CTIF: variants seen among roughly 807,000 people sequenced by gnomAD.
CTIF encodes the protein CBP80/20-dependent translation initiation factor.
In CTIF, 21 loss-of-function variants were observed where a neutral mutation model predicts 66.0. The ratio of observed to expected loss-of-function variants is 0.32; its 90% CI spans 0.23 to 0.46. The LOEUF (loss-of-function observed/expected upper bound fraction) is 0.46. CTIF is among the 20% of genes least tolerant of loss of function. The pLI is 1.00. For missense variants in CTIF, 739 were observed against 812.7 expected, an observed-to-expected ratio of 0.91 and a Z score of 1.10; for synonymous variants, 345 against 326.4, an observed-to-expected ratio of 1.06 and a Z score of -0.62.
intron 10 of CTIF, among the ~76,000 whole-genome samples, chr18:48,827,812 G>T (rs1478432414): frequency 1.3e-5 from 2 of 152,028 alleles, no homozygotes; most frequent in South Asian, 2.1e-4. Flanking sequence ...CACCCGCTTT[G>T]TCCCCTCCAG....
At chr18:48,852,249 A>G (rs2069221380) in intron 10 of CTIF, among the ~76,000 whole-genome samples, 1 of 148,002 alleles carries the variant, frequency 6.8e-6, no homozygotes, top group African/African-American at 2.5e-5. Context: ...AAAAAAAAAA[A>G]AAAAAAAAAA....
chr18:48,805,473 C>A (rs1258893359), intron 9 of CTIF, among the ~76,000 whole-genome samples: 1 of 152,070 alleles, frequency 6.6e-6, no homozygotes, highest in East Asian at 1.9e-4. Flanking sequence ...AGGGGAGAGT[C>A]TGACACAGGG....
At chr18:48,602,719 G>C (rs2090112158) in intron 1 of CTIF, among the ~76,000 whole-genome samples, 1 of 152,206 alleles carries the variant, frequency 6.6e-6, no homozygotes, top group Non-Finnish European at 1.5e-5. Context: ...TCGCTTCTCT[G>C]CCCTTCGTTT....
intron 6 of CTIF, among the ~76,000 whole-genome samples, chr18:48,676,098 G>A (rs1418001514): frequency 2.6e-5 from 4 of 152,024 alleles, no homozygotes; most frequent in Admixed American, 6.5e-5. Flanking sequence ...TGAAGTCGGC[G>A]CGACCAGTGT....
intron 1 of CTIF, among the ~76,000 whole-genome samples, chr18:48,572,719 G>A (rs927792485): frequency 3.3e-5 from 5 of 152,178 alleles, no homozygotes; most frequent in Admixed American, 2.6e-4. Flanking sequence ...TGGATGCAGT[G>A]GCTCACACCT....
At chr18:48,556,557 C>T (rs535554339) in intron 1 of CTIF, among the ~76,000 whole-genome samples, 1 of 152,300 alleles carries the variant, frequency 6.6e-6, no homozygotes, top group South Asian at 2.1e-4. Context: ...CAGCTGCTCA[C>T]TGGCATTGTG....
At chr18:48,857,464 G>T in intron 10 of CTIF, 124 bp from the exon 11 acceptor site, 1 of 767,374 alleles carries the variant, frequency 1.3e-6, no homozygotes, top group Non-Finnish European at 2.1e-6. Flanking sequence ...CCTGAACCTT[G>T]GAGATGTTTG....
rs375213125 is a variant in CTIF, at chr18:48,706,626, G to A, written c.508-4993G>A. Among the ~76,000 whole-genome samples the A allele has an allele frequency of 5.3e-5, 8 of 152,262 alleles. No individual in the cohort carries two copies. The South Asian group carries it at 8.3e-4, about 16-fold the overall frequency. On this transcript the variant is annotated intron_variant, in intron 6 of 11. Transcript: ENST00000256413. ...TGCTGGGCCTGCCCTTAATCCCTCA[G>A]AAATACCCACCACACTGGGTTGTGA...
At chr18:48,800,639 G>A (rs1228863481) in intron 9 of CTIF, among the ~76,000 whole-genome samples, 1 of 152,200 alleles carries the variant, frequency 6.6e-6, no homozygotes, top group East Asian at 1.9e-4. Context: ...CAAAGAAGCA[G>A]GAGGAGCAGG....
intron 7 of CTIF, among the ~76,000 whole-genome samples, chr18:48,717,929 A>T (rs956927853): frequency 6.6e-5 from 10 of 152,016 alleles, no homozygotes; most frequent in African/African-American, 2.4e-4. Flanking sequence ...ATTGGTAGCG[A>T]TGGAGTCTTG....
intron 10 of CTIF, among the ~76,000 whole-genome samples, chr18:48,841,180 T>A (rs1404671947): frequency 6.6e-6 from 1 of 152,152 alleles, no homozygotes; most frequent in African/African-American, 2.4e-5. Context: ...ATAAACAATC[T>A]TCTAAGAAGC....
At chr18:48,856,348 T>C (rs751845210) in intron 10 of CTIF, among the ~76,000 whole-genome samples, 6 of 152,190 alleles carry the variant, frequency 3.9e-5, no homozygotes, top group Non-Finnish European at 7.4e-5. Context: ...AAAACAGTCT[T>C]GCAGCTACTC....
chr18:48,780,446 CG>C (rs1419430204), intron 9 of CTIF, among the ~76,000 whole-genome samples: 4 of 152,170 alleles, frequency 2.6e-5, no homozygotes, highest in African/African-American at 9.7e-5. Context: ...CCCGTCATCT[CG>C]GTGTCCCGGT....
At chr18:48,617,842 C>T (rs746798389) in intron 1 of CTIF, among the ~76,000 whole-genome samples, 4 of 131,282 alleles carry the variant, frequency 3.0e-5, no homozygotes, top group Non-Finnish European at 6.4e-5. Flanking sequence ...GGTGAACAGA[C>T]CCACAGCTCC....
At chr18:48,758,449 A>G (rs1298868820) in intron 8 of CTIF, 44 bp downstream of exon 8, 3 of 1,548,800 alleles carry the variant, frequency 1.9e-6, no homozygotes, top group Admixed American at 1.9e-5. Flanking sequence ...ACCAGGGAGG[A>G]CAGCAAGAGG....
chr18:48,773,734 AC>A (rs2145985384), intron 9 of CTIF, among the ~76,000 whole-genome samples: 1 of 146,800 alleles, frequency 6.8e-6, no homozygotes, highest in East Asian at 2.1e-4. Context: ...AGGGTGCCCC[AC>A]CCCCGGCCCT....
intron 10 of CTIF, among the ~76,000 whole-genome samples, chr18:48,832,173 CTTTT>C (rs61221781): frequency 7.8e-6 from 1 of 128,284 alleles, no homozygotes. Flanking sequence ...CGTGGTCCTT[CTTTT>C]TTTTTTTTTT....
chr18:48,683,624 AC>A (rs1332299592), intron 6 of CTIF, among the ~76,000 whole-genome samples: 1 of 151,826 alleles, frequency 6.6e-6, no homozygotes, highest in East Asian at 2.0e-4. Flanking sequence ...TTGGCACCCC[AC>A]CCCCAAAGGG....
At chr18:48,547,768 T>G (rs2088786509) in intron 1 of CTIF, among the ~76,000 whole-genome samples, 1 of 152,152 alleles carries the variant, frequency 6.6e-6, no homozygotes, top group African/African-American at 2.4e-5. Flanking sequence ...CCTAACTTAC[T>G]TCACACAGAG....
Sources: allele counts gnomAD v4.1 joint callset (sites outside exome capture counted in the v4.1 genomes callset), GRCh38; gene constraint gnomAD v4.1.1; transcripts MANE v1.5; gene names NCBI Gene and HGNC (gene_info 2026-07-23, HGNC 2026-07-21).